The following FOCAD variants were observed in gnomAD, a reference collection of about 807,000 sequenced individuals.
FOCAD encodes focadhesin, also known as KIAA1797.
FOCAD carries 198 observed loss-of-function variants against 225.6 expected under a neutral mutation model. That is an observed-to-expected ratio of 0.88 (90% CI 0.78 to 0.99). FOCAD has a LOEUF of 0.99. Among genes scored for constraint, FOCAD ranks in the 50% least tolerant of loss-of-function variants. The pLI, the probability that FOCAD is intolerant of heterozygous loss-of-function variation, is 0.00. For missense variants in FOCAD, 2,713 were observed against 2,123.6 expected, an observed-to-expected ratio of 1.28 and a Z score of -5.46; for synonymous variants, 897 against 755.0, an observed-to-expected ratio of 1.19 and a Z score of -3.08.
rs139429603 is a variant in FOCAD at position 20,693,205 on chromosome 9, G to C, written c.-33+8912G>C. ...ACTTAATCTGCTCAAATGAGCCTCTGCTGTTCTTCAGACATCTGAGGCATG... is the reference window on the plus strand; with the variant it reads ...ACTTAATCTGCTCAAATGAGCCTCTCCTGTTCTTCAGACATCTGAGGCATG... On this transcript the variant is annotated intron_variant, in intron 1 of 43. Transcript: ENST00000338382. Among the ~76,000 whole-genome samples the C allele has an allele frequency of 1.8e-3, 280 of 152,260 alleles. 1 individual carries two copies. The highest frequency in any genetic ancestry group is 6.4e-3 in the African/African-American group (265 of 41,554).
chr9:20,725,691 A>T (rs1001569352), intron 4 of FOCAD, among the ~76,000 whole-genome samples: 1 of 152,182 alleles, frequency 6.6e-6, no homozygotes, highest in Admixed American at 6.5e-5. Flanking sequence ...CAAGCCCACA[A>T]TTTGAGAAAC....
At position 20,769,778 on chromosome 9, in the gene FOCAD, A is replaced by G. The variant is rs143348379; in HGVS notation, c.700-254A>G. Among the ~76,000 whole-genome samples, 5 of 152,352 alleles carry G rather than the reference A, an allele frequency of 3.3e-5. No individual in the cohort carries two copies. In the East Asian group the frequency reaches 9.6e-4, roughly 29 times the overall value. Reference sequence around the variant, plus strand: ...AGACATCTGCACTCAGACAAGCTAGAAAAATGAAAGAAAAGAAATTTGTAC... The same window carrying G: ...AGACATCTGCACTCAGACAAGCTAGGAAAATGAAAGAAAAGAAATTTGTAC... On this transcript the variant is annotated intron_variant, in intron 7 of 43. Transcript: ENST00000338382.
At chr9:20,980,690 A>G (rs1486937643) in intron 37 of FOCAD, among the ~76,000 whole-genome samples, 1 of 152,218 alleles carries the variant, frequency 6.6e-6, no homozygotes, top group African/African-American at 2.4e-5. Context: ...AGCACACAAA[A>G]AAGTTTTTGC....
chr9:20,847,058 A>G (rs766702576), intron 15 of FOCAD, among the ~76,000 whole-genome samples: 1 of 152,120 alleles, frequency 6.6e-6, no homozygotes, highest in Non-Finnish European at 1.5e-5. Flanking sequence ...CTTTTGGTAA[A>G]TAGCTTTATT....
chr9:20,764,160 T>C (rs1025113587), intron 6 of FOCAD, among the ~76,000 whole-genome samples: 2 of 152,222 alleles, frequency 1.3e-5, no homozygotes, highest in African/African-American at 4.8e-5. Context: ...ATTTCTTTTA[T>C]GTAGATCCTC....
intron 21 of FOCAD, among the ~76,000 whole-genome samples, chr9:20,888,136 C>CTTTTTTTTTTTTTTTTT (rs1831275396): frequency 4.9e-5 from 2 of 40,708 alleles, no homozygotes; most frequent in African/African-American, 1.0e-4. Flanking sequence ...TTTTTTTTTT[C>CTTTTTTTTTTTTTTTTT]TTCTTTTTTT....
At chr9:20,879,160 CA>C (rs1206067093) in intron 19 of FOCAD, among the ~76,000 whole-genome samples, 1 of 152,184 alleles carries the variant, frequency 6.6e-6, no homozygotes, top group African/African-American at 2.4e-5. Context: ...CTTAAGTTCA[CA>C]AGTTCACCCC....
intron 1 of FOCAD, among the ~76,000 whole-genome samples, chr9:20,707,071 A>G (rs1824449321): frequency 6.6e-6 from 1 of 152,220 alleles, no homozygotes; most frequent in Admixed American, 6.5e-5. Flanking sequence ...TGGGAAATGT[A>G]ATGAAGTTGT....
At chr9:20,942,735 A>C (rs1278452882) in intron 28 of FOCAD, among the ~76,000 whole-genome samples, 1 of 152,182 alleles carries the variant, frequency 6.6e-6, no homozygotes. Flanking sequence ...GTGGTAGGGA[A>C]AAAAACAGAA....
At chr9:20,895,258 T>A (rs1430403376) in intron 21 of FOCAD, among the ~76,000 whole-genome samples, 1 of 152,020 alleles carries the variant, frequency 6.6e-6, no homozygotes. Context: ...ATGTCAGTCC[T>A]CCAACTTTGC....
chr9:20,858,554 TTTTCA>T (rs1425219994), intron 15 of FOCAD, among the ~76,000 whole-genome samples: 1 of 152,158 alleles, frequency 6.6e-6, no homozygotes, highest in Non-Finnish European at 1.5e-5. Flanking sequence ...AGAAACCAAC[TTTTCA>T]TTTCATTAAT....
chr9:20,796,958 T>A (rs956762881), intron 11 of FOCAD, among the ~76,000 whole-genome samples: 1 of 152,206 alleles, frequency 6.6e-6, no homozygotes, highest in Non-Finnish European at 1.5e-5. Flanking sequence ...GGTCTAACAT[T>A]TAAGTCTTTA....
chr9:20,665,010 A>T (rs1224354824), intron 2 of FOCAD, among the ~76,000 whole-genome samples: 1 of 152,168 alleles, frequency 6.6e-6, no homozygotes, highest in Non-Finnish European at 1.5e-5. Context: ...ATGACGAATA[A>T]GTTGGTGGTA....
chr9:20,966,661 C>G (rs1839286427), intron 35 of FOCAD, among the ~76,000 whole-genome samples: 1 of 151,994 alleles, frequency 6.6e-6, no homozygotes, highest in Non-Finnish European at 1.5e-5. Flanking sequence ...TATATTTAAG[C>G]TGTTAACCCA....
chr9:20,901,521 T>G (rs909390012), intron 21 of FOCAD, among the ~76,000 whole-genome samples: 4 of 151,842 alleles, frequency 2.6e-5, no homozygotes, highest in Non-Finnish European at 5.9e-5. Flanking sequence ...TTCTTGTAGA[T>G]GGAATAAGCA....
chr9:20,805,490 C>T (rs374963712), intron 11 of FOCAD, among the ~76,000 whole-genome samples: 1 of 152,120 alleles, frequency 6.6e-6, no homozygotes, highest in South Asian at 2.1e-4. Flanking sequence ...ACAAAGTGAT[C>T]AGCAATAACA....
chr9:20,781,628 G>T, intron 9 of FOCAD, 99 bp from the exon 10 acceptor site: 1 of 970,960 alleles, frequency 1.0e-6, no homozygotes, highest in South Asian at 1.4e-5. Flanking sequence ...GTTATAAAAG[G>T]GAAGAAAACT....
intron 15 of FOCAD, among the ~76,000 whole-genome samples, chr9:20,853,918 T>G (rs1440742685): frequency 6.6e-6 from 1 of 151,750 alleles, no homozygotes; most frequent in Non-Finnish European, 1.5e-5. Flanking sequence ...TGATTGTGTC[T>G]CTTCAAAATC....
chr9:20,889,190 T>G (rs1831395764), intron 21 of FOCAD, among the ~76,000 whole-genome samples: 1 of 152,232 alleles, frequency 6.6e-6, no homozygotes, highest in African/African-American at 2.4e-5. Context: ...TCTGTAGATT[T>G]GCCTATTCTG....
Sources: gnomAD v4.1 joint callset for allele counts (sites outside exome capture counted in the v4.1 genomes callset) on GRCh38, gnomAD v4.1.1 for gene constraint, MANE v1.5 for transcripts, NCBI Gene and HGNC (gene_info 2026-07-23, HGNC 2026-07-21) for gene names.